The following CBFA2T2 variants were observed in gnomAD, a reference collection of about 807,000 sequenced individuals.
The protein encoded by CBFA2T2 is CBFA2/RUNX1 partner transcriptional co-repressor 2, also known as protein CBFA2T2.
A neutral mutation model predicts 62.2 loss-of-function variants in CBFA2T2; 11 were observed. The ratio of observed to expected loss-of-function variants is 0.18; its 90% CI spans 0.11 to 0.29. The LOEUF is 0.29. CBFA2T2 is among the 10% of genes least tolerant of loss of function. The pLI is 1.00. For missense variants in CBFA2T2, 592 were observed against 774.1 expected, an observed-to-expected ratio of 0.76 and a Z score of 2.79; for synonymous variants, 295 against 287.5, an observed-to-expected ratio of 1.03 and a Z score of -0.27.
intron 9 of CBFA2T2, among the ~76,000 whole-genome samples, chr20:33,639,888 CAAAA>C (rs1044737293): frequency 6.7e-6 from 1 of 150,312 alleles, no homozygotes; most frequent in African/African-American, 2.4e-5. Context: ...GGCCCTGTCT[CAAAA>C]AAAAAGAAAA....
rs372999739 is a variant in CBFA2T2 at position 33,624,846 on chromosome 20, C to T, written c.775C>T (p.Arg259Trp). 8.1e-6 allele frequency: 13 copies of T among 1,614,028 alleles called. No individual in the cohort carries two copies. Among genetic ancestry groups the T allele is most frequent in the Admixed American group, 5.0e-5 (3 of 60,002 alleles). Residue 259 changes from arginine to tryptophan, a missense_variant, in exon 6 of 11, where the codon CGG becomes TGG. Transcript: ENST00000342704. Reference protein sequence around the residue: ...KRVCTISPAPRHSPALTVPLM... With the variant: ...KRVCTISPAPWHSPALTVPLM... ...AGTATGTACCATCAGCCCTGCTCCT[C>T]GGCACAGTCCTGCTCTCACTGTGCC...
chr20:33,619,291 G>A (rs1452955533), intron 3 of CBFA2T2, among the ~76,000 whole-genome samples: 3 of 152,166 alleles, frequency 2.0e-5, no homozygotes, highest in South Asian at 2.1e-4. Context: ...AGGCCGAGGC[G>A]GGTGGATCAC....
chr20:33,592,792 C>A (rs1031261863), intron 1 of CBFA2T2, among the ~76,000 whole-genome samples: 24 of 151,972 alleles, frequency 1.6e-4, no homozygotes, highest in South Asian at 2.1e-4. Context: ...CTTAAAAAAA[C>A]CCCTCAAAAA....
chr20:33,524,601 AT>A (rs1446699193), intron 1 of CBFA2T2, among the ~76,000 whole-genome samples: 1 of 152,096 alleles, frequency 6.6e-6, no homozygotes, highest in Non-Finnish European at 1.5e-5. Context: ...TATTTTTAGG[AT>A]TAAAAAAAAA....
chr20:33,558,249 G>A (rs971627889), intron 1 of CBFA2T2, among the ~76,000 whole-genome samples: 1 of 150,934 alleles, frequency 6.6e-6, no homozygotes, highest in Non-Finnish European at 1.5e-5. Context: ...CTCCTGCCTC[G>A]GCCACCAGAG....
intron 1 of CBFA2T2, chr20:33,562,400 G>A: frequency 2.0e-6 from 2 of 986,004 alleles, no homozygotes. Context: ...CTGTATCTGG[G>A]GATTCTGGCA....
chr20:33,576,210 C>T (rs1456561041), intron 1 of CBFA2T2, among the ~76,000 whole-genome samples: 1 of 152,120 alleles, frequency 6.6e-6, no homozygotes, highest in East Asian at 1.9e-4. Context: ...TCTAAAGTGC[C>T]AGAGACAGGG....
chr20:33,588,140 TTGGGAATAAGTA>T (rs2014459279), intron 1 of CBFA2T2, among the ~76,000 whole-genome samples: 1 of 152,096 alleles, frequency 6.6e-6, no homozygotes, highest in Non-Finnish European at 1.5e-5. Context: ...CTCCATGCAT[TTGGGAATAAGTA>T]CACCCCTGTG....
At chr20:33,623,975 A>T (rs1257791851) in intron 5 of CBFA2T2, 2 of 597,740 alleles carry the variant, frequency 3.3e-6, no homozygotes, top group Non-Finnish European at 6.0e-6. Flanking sequence ...AAAAGAAAAG[A>T]AAAGAAAAAA....
chr20:33,565,242 T>A (rs1188493895), intron 1 of CBFA2T2, among the ~76,000 whole-genome samples: 1 of 152,206 alleles, frequency 6.6e-6, no homozygotes, highest in Non-Finnish European at 1.5e-5. Flanking sequence ...TATACCAAAT[T>A]GACTAAAATG....
intron 1 of CBFA2T2, chr20:33,574,210 G>T: frequency 6.2e-7 from 1 of 1,613,518 alleles, no homozygotes; most frequent in Non-Finnish European, 8.5e-7. Flanking sequence ...AATGGCTAAA[G>T]AATCTGGAAT....
rs149104468 is a variant in CBFA2T2, at chr20:33,513,867, G to A, written c.34+23566G>A. Reference sequence around the variant, plus strand: ...TTGTACCTGTTTAATATATTTAGGTGTTGATAAGTACTTGCTGTTTTTTGT... The same window carrying A: ...TTGTACCTGTTTAATATATTTAGGTATTGATAAGTACTTGCTGTTTTTTGT... On this transcript the variant is annotated intron_variant, in intron 1 of 10. Transcript: ENST00000342704. 1.1e-4 allele frequency among the ~76,000 whole-genome samples: 17 copies of A among 149,746 alleles called. 1 individual carries two copies. Among genetic ancestry groups the A allele is most frequent in the African/African-American group, 3.9e-4 (16 of 41,110 alleles).
intron 1 of CBFA2T2, among the ~76,000 whole-genome samples, chr20:33,549,861 CTTTTTTT>C (rs368043905): frequency 3.2e-5 from 4 of 124,288 alleles, no homozygotes; most frequent in Non-Finnish European, 6.8e-5. Flanking sequence ...ATGGCTGCTG[CTTTTTTT>C]TTTTTTTTTT....
At chr20:33,496,097 T>G (rs1373339718) in intron 1 of CBFA2T2, among the ~76,000 whole-genome samples, 1 of 152,184 alleles carries the variant, frequency 6.6e-6, no homozygotes, top group African/African-American at 2.4e-5. Flanking sequence ...GAGACATAAC[T>G]AATTATTCCT....
chr20:33,598,815 A>G (rs1007906849), intron 1 of CBFA2T2, among the ~76,000 whole-genome samples: 2 of 152,234 alleles, frequency 1.3e-5, no homozygotes, highest in African/African-American at 2.4e-5. Context: ...GAACTAATAA[A>G]TGTCCATGAA....
At chr20:33,538,311 C>G (rs1423687567) in intron 1 of CBFA2T2, among the ~76,000 whole-genome samples, 1 of 151,836 alleles carries the variant, frequency 6.6e-6, no homozygotes, top group Non-Finnish European at 1.5e-5. Context: ...TATCCTGCAA[C>G]TTGGCTAAAT....
At chr20:33,605,408 T>A (rs1370384971) in intron 1 of CBFA2T2, among the ~76,000 whole-genome samples, 2 of 152,182 alleles carry the variant, frequency 1.3e-5, no homozygotes, top group African/African-American at 2.4e-5. Flanking sequence ...GGAACATAGC[T>A]CAATTTAAAG....
At chr20:33,520,692 C>T (rs1568797598) in intron 1 of CBFA2T2, among the ~76,000 whole-genome samples, 1 of 151,944 alleles carries the variant, frequency 6.6e-6, no homozygotes, top group African/African-American at 2.4e-5. Flanking sequence ...ATTGCTTGGA[C>T]CTGGGAGGCA....
At chr20:33,492,813 T>A (rs1222890413) in intron 1 of CBFA2T2, among the ~76,000 whole-genome samples, 1 of 152,130 alleles carries the variant, frequency 6.6e-6, no homozygotes, top group Non-Finnish European at 1.5e-5. Context: ...GCCTGGCCTT[T>A]TTTAGTGTTT....
Sources: gnomAD v4.1 joint callset for allele counts (sites outside exome capture counted in the v4.1 genomes callset) on GRCh38, gnomAD v4.1.1 for gene constraint, MANE v1.5 for transcripts, NCBI Gene and HGNC (gene_info 2026-07-23, HGNC 2026-07-21) for gene names.